Variants in B4GALT5 observed in about 807,000 individuals in gnomAD.
B4GALT5 encodes UDP-Gal:beta-GlcNAc beta-1,4-galactosyltransferase 5.
Under a neutral mutation model 45.0 loss-of-function variants are expected in B4GALT5, and 11 were observed. The observed-to-expected ratio is 0.24, with a 90% CI of 0.15 to 0.40. The LOEUF (loss-of-function observed/expected upper bound fraction) is 0.40, where lower values mean the gene tolerates loss of function less well. B4GALT5 is among the 10% of genes least tolerant of loss of function. The probability of loss-of-function intolerance (pLI) is 1.00; values close to 1 mark genes in which losing one functional copy is unlikely to be tolerated. For synonymous variants in B4GALT5, 185 were observed against 182.9 expected (o/e 1.01, Z -0.09); for missense variants, 337 against 500.2 (o/e 0.67, Z 3.11).
Position 49,635,014 on chromosome 20 carries a change from G to A in B4GALT5, c.*1298C>T, listed in dbSNP as rs1406931538. 2.0e-5 allele frequency: 3 copies of A among 152,270 alleles called. No homozygotes were observed. The highest frequency in any genetic ancestry group is 1.5e-5 in the Non-Finnish European group (1 of 68,076). The allele number at this position is 152,270 out of a possible 1,614,324, so 9.4% of individuals were successfully genotyped here. On this transcript the variant is annotated 3_prime_UTR_variant, in exon 9 of 9. Coordinates refer to ENST00000371711, the MANE Select transcript of B4GALT5 (RefSeq NM_004776.4). ...ATCCCAGCTGCCCCACAGCACACAA[G>A]TGTCACCAGCTCCCTGGCTCCTGGC...
At chr20:49,645,557 T>C (rs570568238) in intron 3 of B4GALT5, among the ~76,000 whole-genome samples, 18 of 152,140 alleles carry the variant, frequency 1.2e-4, no homozygotes, top group Non-Finnish European at 2.2e-4. Context: ...AAGACCAGCC[T>C]GGCCAACATG....
chr20:49,713,104 T>G (rs1256621977), intron 1 of B4GALT5, among the ~76,000 whole-genome samples: 13 of 114,776 alleles, frequency 1.1e-4, no homozygotes, highest in African/African-American at 2.4e-4. Context: ...AGCTAGAAGG[T>G]GGGGCGGCCT....
chr20:49,712,366 T>C (rs560873699), intron 1 of B4GALT5, among the ~76,000 whole-genome samples: 1 of 151,976 alleles, frequency 6.6e-6, no homozygotes, highest in South Asian at 2.1e-4. Context: ...CTGACCTCTG[T>C]GTCCTCCGCT....
In B4GALT5 at chr20:49,713,768, G is replaced by T. The variant is rs1416256319; in HGVS notation, c.-78C>A. ...CCCGTCCGCCGCCTCCTGGGCCGCC[G>T]CCGCCACCGCCTGGGCCTCGGCCAC... On this transcript the variant is annotated 5_prime_UTR_variant, in exon 1 of 9. Coordinates refer to ENST00000371711, the MANE Select transcript of B4GALT5 (RefSeq NM_004776.4). The T allele has an allele frequency of 1.2e-5, 4 of 335,698 alleles. No homozygotes were observed. Among genetic ancestry groups the T allele is most frequent in the Admixed American group, 6.1e-5 (1 of 16,330 alleles). The allele number at this position is 335,698 out of a possible 1,614,324, so 20.8% of individuals were successfully genotyped here.
chr20:49,709,599 C>G (rs2085899239), intron 1 of B4GALT5, among the ~76,000 whole-genome samples: 1 of 151,990 alleles, frequency 6.6e-6, no homozygotes, highest in East Asian at 1.9e-4. Context: ...TGGTAAAACC[C>G]CATCTCTACT....
In B4GALT5 at chr20:49,703,106, G is replaced by A. The variant is rs566143412; in HGVS notation, c.115+10470C>T. Among the ~76,000 whole-genome samples, 549 of 149,268 alleles carry A rather than the reference G, an allele frequency of 3.7e-3. 3 individuals are homozygous for A. The highest frequency in any genetic ancestry group is 7.1e-3 in the Non-Finnish European group (477 of 67,434). ...GGAGAATGGCACGAACCCGGGAGGC[G>A]GAGCTTGCAGTGAGACCAGATGGCG... is the stretch of plus-strand genomic sequence containing the variant. On this transcript the variant is annotated intron_variant, in intron 1 of 8. Transcript: ENST00000371711.
intron 1 of B4GALT5, among the ~76,000 whole-genome samples, chr20:49,702,861 C>CA (rs563721029): frequency 6.0e-4 from 88 of 147,394 alleles, no homozygotes; most frequent in South Asian, 5.4e-3. Context: ...TCTCAAAAAA[C>CA]AAAAAAAAAC....
Position 49,705,318 on chromosome 20 carries a change from A to T in B4GALT5, c.115+8258T>A, listed in dbSNP as rs1353924118. On this transcript the variant is annotated intron_variant, in intron 1 of 8. Coordinates refer to ENST00000371711, the MANE Select transcript of B4GALT5 (RefSeq NM_004776.4). Reference sequence around the variant, plus strand: ...CCCACAGGACAAAAAAAATGGTCCAAAAAAAGGAAAAAATGGTCTTAACAT... The same window carrying T: ...CCCACAGGACAAAAAAAATGGTCCATAAAAAGGAAAAAATGGTCTTAACAT... Among the ~76,000 whole-genome samples, 19 of 152,326 alleles carry T rather than the reference A, an allele frequency of 1.2e-4. 1 individual carries two copies. The East Asian group carries it at 3.7e-3, about 29-fold the overall frequency.
Position 49,636,119 on chromosome 20 carries a change from C to T in B4GALT5, c.*193G>A, listed in dbSNP as rs1279870067. 2.8e-5 allele frequency: 19 copies of T among 679,920 alleles called. No homozygotes were observed. The highest frequency in any genetic ancestry group is 2.4e-6 in the Non-Finnish European group (1 of 413,006). 42.1% of individuals were successfully genotyped at this position (679,920 alleles called of 1,614,324 possible). On this transcript the variant is annotated 3_prime_UTR_variant, in exon 9 of 9. Coordinates refer to ENST00000371711, the MANE Select transcript of B4GALT5 (RefSeq NM_004776.4). ...CGAAGGAAGTCCCCAAGCTCACTCC[C>T]TCAGTTCCAGCGGCTGATCCAGTGA...
chr20:49,692,582 A>C (rs531697078), intron 1 of B4GALT5, among the ~76,000 whole-genome samples: 1 of 152,316 alleles, frequency 6.6e-6, no homozygotes, highest in South Asian at 2.1e-4. Context: ...TGGAATAACA[A>C]CTAGAATGGG....
At chr20:49,645,845 A>G (rs2085596907) in intron 3 of B4GALT5, among the ~76,000 whole-genome samples, 2 of 152,052 alleles carry the variant, frequency 1.3e-5, no homozygotes, top group Non-Finnish European at 2.9e-5. Flanking sequence ...TTATTATACT[A>G]TATTTTTAAA....
At chr20:49,692,758 A>C (rs2085820107) in intron 1 of B4GALT5, among the ~76,000 whole-genome samples, 2 of 152,210 alleles carry the variant, frequency 1.3e-5, no homozygotes, top group East Asian at 3.8e-4. Context: ...TAACGTTTTT[A>C]GTTAGTATAT....
chr20:49,679,008 G>C (rs2146347932), intron 1 of B4GALT5, among the ~76,000 whole-genome samples: 1 of 152,266 alleles, frequency 6.6e-6, no homozygotes, highest in African/African-American at 2.4e-5. Context: ...AAGGGGCTGG[G>C]GGTGGGGAGG....
chr20:49,663,688 AAAATATATACATATATATATAT>A (rs2085675452), intron 1 of B4GALT5, among the ~76,000 whole-genome samples: 1 of 106,952 alleles, frequency 9.3e-6, no homozygotes, highest in African/African-American at 3.8e-5. Context: ...AAAAAAAAAA[AAAATATATACATATATATATAT>A]ATATATATAT....
At position 49,640,543 on chromosome 20, in the gene B4GALT5, G is replaced by A; in HGVS notation, c.729C>T (p.Arg243=). 6.2e-7 allele frequency: 1 copy of A among 1,613,690 alleles called. No homozygotes were observed. Among genetic ancestry groups the A allele is most frequent in the Non-Finnish European group, 8.5e-7 (1 of 1,179,912 alleles). Reference sequence around the variant, plus strand: ...GCATCTGTCCACATCCATAATAGTTGCGATCACTTTCCGGTATGTGATCTA... The same window carrying A: ...GCATCTGTCCACATCCATAATAGTTACGATCACTTTCCGGTATGTGATCTA... The part of the protein sequence containing the change: ...HDVDHIPESD[R]NYYGCGQMPR... Residue 243 remains arginine (R), a synonymous_variant, in exon 6 of 9, where the codon CGC becomes CGT. Transcript: ENST00000371711.
intron 1 of B4GALT5, among the ~76,000 whole-genome samples, chr20:49,682,654 G>A (rs117146988): frequency 0.018 from 2,684 of 152,170 alleles, 34 homozygotes; most frequent in Non-Finnish European, 0.024. Flanking sequence ...TCTACTCCCT[G>A]CAAAGCATCC....
chr20:49,713,438 C>T, intron 1 of B4GALT5, 138 bp downstream of exon 1: 1 of 784,156 alleles, frequency 1.3e-6, no homozygotes, highest in Non-Finnish European at 2.0e-6. Context: ...CCCCGAGAGC[C>T]GGGCCAGGAC....
intron 1 of B4GALT5, among the ~76,000 whole-genome samples, chr20:49,682,970 T>C (rs1340963878): frequency 6.6e-6 from 1 of 152,010 alleles, no homozygotes; most frequent in Admixed American, 6.6e-5. Flanking sequence ...GGTGTGCACC[T>C]GTAGTCCCAG....
At position 49,648,361 on chromosome 20, in the gene B4GALT5, G is replaced by C. The variant is rs147169513; in HGVS notation, c.251-1283C>G. 1.1e-4 allele frequency among the ~76,000 whole-genome samples: 17 copies of C among 152,284 alleles called. No homozygotes were observed. In the Middle Eastern group the frequency reaches 0.01, roughly 91 times the overall value. On this transcript the variant is annotated intron_variant, in intron 2 of 8. Transcript: ENST00000371711. ...GAGGAGCCTCTGTTTTGCCATCTCT[G>C]GGGTTATTAAGTCTCCAGCTCTTGC...
Sources: gnomAD v4.1 joint callset for allele counts (sites outside exome capture counted in the v4.1 genomes callset) on GRCh38, gnomAD v4.1.1 for gene constraint, MANE v1.5 for transcripts, NCBI Gene and HGNC (gene_info 2026-07-23, HGNC 2026-07-21) for gene names.